The following HSPA4 variants were observed in gnomAD, a reference collection of about 807,000 sequenced individuals.
The protein encoded by HSPA4 is heat shock protein family A (Hsp70) member 4.
HSPA4 carries 25 observed loss-of-function variants against 106.2 expected under a neutral mutation model. The ratio of observed to expected loss-of-function variants is 0.24; its 90% confidence interval spans 0.17 to 0.33. The LOEUF (loss-of-function observed/expected upper bound fraction) is 0.33. Ranked by LOEUF, HSPA4 falls within the 10% of genes least tolerant of loss-of-function variation. The probability of loss-of-function intolerance (pLI) is 1.00; values close to 1 mark genes in which losing one functional copy is unlikely to be tolerated. For missense variants in HSPA4, 841 were observed against 996.0 expected (o/e 0.84, Z 2.10); for synonymous variants, 332 against 333.6 (o/e 1.00, Z 0.05).
At chr5:133,057,799 A>T (rs1305015390) in intron 1 of HSPA4, among the ~76,000 whole-genome samples, 1 of 152,246 alleles carries the variant, frequency 6.6e-6, no homozygotes, top group Non-Finnish European at 1.5e-5. Context: ...AGTACTTCTT[A>T]TGGATTAAGC....
chr5:133,104,406 C>A lies in HSPA4; in HGVS notation c.2493C>A (p.Asp831Glu), dbSNP rs1370569691. Residue 831 changes from aspartate (D) to glutamate (E), a missense_variant, in exon 19 of 19, where the codon GAC becomes GAA. By Grantham distance (45) the Asp-to-Glu change is conservative (BLOSUM62 2). This residue lies in a region of HSPA4 where 328 missense variants were observed against 372.2 expected (regional missense o/e 0.88). Transcript: ENST00000304858. ...GTDTAVPSDSDKKLPEMDID is the reference protein window; with the variant it reads ...GTDTAVPSDSEKKLPEMDID The stretch of plus-strand genomic sequence containing the variant: ...ACACAGCTGTGCCTTCGGATTCAGA[C>A]AAGAAGCTTCCTGAAATGGACATTG... 1 of 1,614,030 alleles carries A rather than the reference C, an allele frequency of 6.2e-7. No homozygotes were observed. Among genetic ancestry groups the A allele is most frequent in the African/African-American group, 1.3e-5 (1 of 74,932 alleles).
chr5:133,073,578 G>A, intron 5 of HSPA4, among the ~76,000 whole-genome samples: 1 of 152,320 alleles, frequency 6.6e-6, no homozygotes, highest in East Asian at 1.9e-4. Flanking sequence ...AACACTTAGC[G>A]TGTGGAGCAG....
At chr5:133,054,122 C>G (rs1765128818) in intron 1 of HSPA4, among the ~76,000 whole-genome samples, 1 of 152,162 alleles carries the variant, frequency 6.6e-6, no homozygotes, top group Admixed American at 6.5e-5. Context: ...CCCCTGAAAA[C>G]TCATCCCAGA....
intron 15 of HSPA4, among the ~76,000 whole-genome samples, chr5:133,098,750 G>A (rs990661135): frequency 6.6e-6 from 1 of 152,032 alleles, no homozygotes; most frequent in Non-Finnish European, 1.5e-5. Context: ...TTGGCTCACT[G>A]CAACCTCCAC....
At chr5:133,052,692 G>A in intron 1 of HSPA4, 1 of 268,020 alleles carries the variant, frequency 3.7e-6, no homozygotes, top group Non-Finnish European at 7.1e-6. Context: ...TTTTCTTGAG[G>A]GCAGAGACCA....
chr5:133,072,163 TAGG>T (rs775672810), intron 4 of HSPA4, among the ~76,000 whole-genome samples: 2 of 152,112 alleles, frequency 1.3e-5, no homozygotes, highest in Non-Finnish European at 2.9e-5. Context: ...GTAATTTGCT[TAGG>T]AGGGTTCACG....
chr5:133,053,480 C>G (rs572280274), intron 1 of HSPA4, among the ~76,000 whole-genome samples: 36 of 151,570 alleles, frequency 2.4e-4, no homozygotes, highest in Non-Finnish European at 4.3e-4. Flanking sequence ...TCCTGAGTAG[C>G]TGGCGTTGCA....
Position 133,101,791 on chromosome 5 carries a change from G to A in HSPA4, c.2070G>A (p.Gln690=), listed in dbSNP as rs1489807471. The A allele has an allele frequency of 1.9e-6, 3 of 1,610,868 alleles. No individual in the cohort carries two copies. Among genetic ancestry groups the A allele is most frequent in the Admixed American group, 1.7e-5 (1 of 59,748 alleles). The change falls in exon 17 of 19, where the codon CAG becomes CAA. Residue 690 remains glutamine (Q), a synonymous_variant. Coordinates refer to ENST00000304858, the MANE Select transcript of HSPA4 (RefSeq NM_002154.4). The part of the protein sequence containing the change: ...NLGQPIKIRF[Q]ESEERPKLFE... The stretch of plus-strand genomic sequence containing the variant: ...GTCAACCTATTAAGATACGTTTCCA[G>A]GAATCTGAAGAACGACCAAAATTAT...
chr5:133,092,627 G>A, intron 12 of HSPA4, 73 bp from the exon 13 acceptor site: 1 of 977,162 alleles, frequency 1.0e-6, no homozygotes. Context: ...ACATAACTAT[G>A]TGACTTTGTC....
At chr5:133,071,267 G>T (rs1443927721) in intron 4 of HSPA4, among the ~76,000 whole-genome samples, 1 of 118,502 alleles carries the variant, frequency 8.4e-6, no homozygotes, top group Admixed American at 1.0e-4. Flanking sequence ...GCAACACAAT[G>T]AGATCCCTGT....
Position 133,074,171 on chromosome 5 carries a change from A to G in HSPA4, c.663+45A>G, listed in dbSNP as rs368824221. 97 of 1,341,638 alleles carry G rather than the reference A, an allele frequency of 7.2e-5. No homozygotes were observed. In the Middle Eastern group the frequency reaches 1.9e-3, roughly 26 times the overall value. The allele number at this position is 1,341,638 out of a possible 1,614,324, so 83.1% of individuals were successfully genotyped here. A position where few individuals can be genotyped will look rare whatever the true frequency, so the allele number is the denominator to read the frequency against. ...CCAGAAGACTGTTAGTAGTATGGTA[A>G]TTATGAAATTTTGAGAGACAATGAT... is the stretch of plus-strand genomic sequence containing the variant. On this transcript the variant is annotated intron_variant, in intron 6 of 18. Transcript: ENST00000304858.
chr5:133,100,041 T>C (rs1425747964), intron 16 of HSPA4, among the ~76,000 whole-genome samples: 1 of 151,722 alleles, frequency 6.6e-6, no homozygotes, highest in East Asian at 1.9e-4. Flanking sequence ...TTTTTATTAT[T>C]TTATTTATTT....
intron 7 of HSPA4, among the ~76,000 whole-genome samples, chr5:133,078,760 A>T (rs1473657933): frequency 6.6e-6 from 1 of 151,632 alleles, no homozygotes; most frequent in South Asian, 2.1e-4. Flanking sequence ...TTGAGACAGG[A>T]TCTTACTCTG....
At chr5:133,091,851 C>G (rs1581478583) in intron 12 of HSPA4, among the ~76,000 whole-genome samples, 1 of 151,560 alleles carries the variant, frequency 6.6e-6, no homozygotes, top group Non-Finnish European at 1.5e-5. Flanking sequence ...CAAAGTGAGA[C>G]CCTCATCTCT....
chr5:133,060,870 A>G (rs1581464621), intron 1 of HSPA4, among the ~76,000 whole-genome samples: 2 of 126,652 alleles, frequency 1.6e-5, no homozygotes, highest in Admixed American at 9.4e-5. Context: ...CTCAGGGTGG[A>G]GTGTAGTGGC....
chr5:133,068,347 C>T (rs1049361344), intron 3 of HSPA4, among the ~76,000 whole-genome samples: 14 of 150,984 alleles, frequency 9.3e-5, no homozygotes, highest in African/African-American at 3.4e-4. Context: ...GAACTGATCA[C>T]AGAAAAAGGG....
intron 15 of HSPA4, 80 bp from the exon 16 acceptor site, chr5:133,099,465 A>G (rs1765758513): frequency 1.5e-6 from 1 of 671,998 alleles, no homozygotes; most frequent in Non-Finnish European, 2.6e-6. Context: ...TCTCAGATAC[A>G]TCATTATATT....
chr5:133,076,523 A>AC, intron 6 of HSPA4, 131 bp from the exon 7 acceptor site: 1 of 735,856 alleles, frequency 1.4e-6, no homozygotes, highest in Non-Finnish European at 2.2e-6. Context: ...TGATGTATAC[A>AC]TTGCTTTGTT....
intron 15 of HSPA4, among the ~76,000 whole-genome samples, chr5:133,099,170 C>T (rs193118282): frequency 6.6e-6 from 1 of 152,226 alleles, no homozygotes; most frequent in East Asian, 1.9e-4. Context: ...TGCTCTGTTG[C>T]CCAGGCTGGA....
Sources: allele counts gnomAD v4.1 joint callset (sites outside exome capture counted in the v4.1 genomes callset), GRCh38; gene constraint gnomAD v4.1.1; regional missense constraint gnomAD v4.1.1; transcripts MANE v1.5; gene names NCBI Gene and HGNC (gene_info 2026-07-23, HGNC 2026-07-21).